AGBL4: variants seen among roughly 807,000 people sequenced by gnomAD.
The protein encoded by AGBL4 is AGBL carboxypeptidase 4.
AGBL4 carries 58 observed loss-of-function variants against 66.4 expected under a neutral mutation model. The observed-to-expected ratio is 0.87, with a 90% CI of 0.71 to 1.09. AGBL4 has a LOEUF of 1.09. Among genes scored for constraint, AGBL4 ranks in the 50% least tolerant of loss-of-function variants. The pLI is 0.00. For synonymous variants in AGBL4, 234 were observed against 222.9 expected, an observed-to-expected ratio of 1.05 and a Z score of -0.44; for missense variants, 579 against 631.0, an observed-to-expected ratio of 0.92 and a Z score of 0.88.
At chr1:49,138,013 G>A (rs1646046151) in intron 4 of AGBL4, among the ~76,000 whole-genome samples, 1 of 152,000 alleles carries the variant, frequency 6.6e-6, no homozygotes, top group Admixed American at 6.6e-5. Context: ...CAGGGATTCT[G>A]GGCAAAATGA....
intron 12 of AGBL4, 147 bp from the exon 13 acceptor site, chr1:48,535,063 A>T (rs553969706): frequency 5.1e-6 from 4 of 783,864 alleles, no homozygotes; most frequent in East Asian, 2.7e-5. Context: ...TATGGGGAAA[A>T]AGAAGAGGGA....
At chr1:49,356,996 A>T (rs1205433045) in intron 3 of AGBL4, among the ~76,000 whole-genome samples, 1 of 152,158 alleles carries the variant, frequency 6.6e-6, no homozygotes, top group East Asian at 1.9e-4. Context: ...CTCCAACAAG[A>T]AATGTTGTAG....
Position 49,367,723 on chromosome 1 carries a change from T to C in AGBL4, c.283-121859A>G, listed in dbSNP as rs1644266656. Reference sequence around the variant, plus strand: ...TTACGACGGAGGAAGAAAAAAATGTTTTTCTTAATTAATCACTTTTTATGT... The same window carrying C: ...TTACGACGGAGGAAGAAAAAAATGTCTTTCTTAATTAATCACTTTTTATGT... On this transcript the variant is annotated intron_variant, in intron 3 of 13. Transcript: ENST00000371839. 2.0e-5 allele frequency among the ~76,000 whole-genome samples: 3 copies of C among 152,138 alleles called. No homozygotes were observed. In the South Asian group the frequency reaches 6.2e-4, roughly 32 times the overall value.
At chr1:50,020,970 T>C (rs1662401224) in intron 1 of AGBL4, among the ~76,000 whole-genome samples, 1 of 152,186 alleles carries the variant, frequency 6.6e-6, no homozygotes, top group African/African-American at 2.4e-5. Flanking sequence ...GATTTAGTGG[T>C]AAAAGACAAT....
At chr1:49,422,076 TAATC>T (rs1338743652) in intron 3 of AGBL4, among the ~76,000 whole-genome samples, 5 of 152,346 alleles carry the variant, frequency 3.3e-5, no homozygotes, top group Non-Finnish European at 2.9e-5. Context: ...ACTTTGGTCT[TAATC>T]AATTCATAGA....
chr1:49,555,858 T>C (rs1653399939), intron 3 of AGBL4, among the ~76,000 whole-genome samples: 2 of 152,000 alleles, frequency 1.3e-5, no homozygotes. Flanking sequence ...AGAATGGACA[T>C]CATTAAAAAG....
chr1:49,704,063 C>G (rs1033157474), intron 2 of AGBL4, among the ~76,000 whole-genome samples: 1 of 151,962 alleles, frequency 6.6e-6, no homozygotes, highest in African/African-American at 2.4e-5. Flanking sequence ...AAAATATTAT[C>G]GAGAGAATTT....
intron 1 of AGBL4, among the ~76,000 whole-genome samples, chr1:49,997,961 G>A (rs1287806786): frequency 1.3e-5 from 2 of 151,858 alleles, no homozygotes; most frequent in Non-Finnish European, 2.9e-5. Context: ...AATGATCATT[G>A]GGTCAACAAT....
At position 50,023,773 on chromosome 1, in the gene AGBL4, C is replaced by A; in HGVS notation, c.24G>T (p.Ala8=). 1 of 1,549,450 alleles carries A rather than the reference C, an allele frequency of 6.5e-7. No homozygotes were observed. The highest frequency in any genetic ancestry group is 8.7e-7 in the Non-Finnish European group (1 of 1,146,064). Residue 8 remains alanine, a synonymous_variant, in exon 1 of 14, where the codon GCG becomes GCT. Coordinates refer to ENST00000371839, the MANE Select transcript of AGBL4 (RefSeq NM_032785.4). MAEGSQS[A]PEAGNDMGND... ...GCCGCCCCCACAGACCTGCCTCAGG[C>A]GCCGACTGGCTCCCCTCCGCCATTT...
intron 3 of AGBL4, among the ~76,000 whole-genome samples, chr1:49,362,317 T>G (rs1644154565): frequency 6.6e-6 from 1 of 152,048 alleles, no homozygotes; most frequent in Admixed American, 6.6e-5. Flanking sequence ...GCCTCTCAAA[T>G]TTATAATGCA....
At chr1:49,467,659 C>T (rs1646659167) in intron 3 of AGBL4, among the ~76,000 whole-genome samples, 1 of 151,860 alleles carries the variant, frequency 6.6e-6, no homozygotes, top group Non-Finnish European at 1.5e-5. Flanking sequence ...TTTGCATGAC[C>T]TTAAGCCATA....
chr1:49,815,518 T>C (rs772087463), intron 2 of AGBL4, among the ~76,000 whole-genome samples: 1 of 152,166 alleles, frequency 6.6e-6, no homozygotes, highest in Non-Finnish European at 1.5e-5. Flanking sequence ...ATTTCCTCTC[T>C]TTGGGGTATA....
intron 5 of AGBL4, among the ~76,000 whole-genome samples, chr1:48,904,571 G>A (rs1285409634): frequency 6.6e-6 from 1 of 152,142 alleles, no homozygotes; most frequent in Non-Finnish European, 1.5e-5. Flanking sequence ...TCAAATACGA[G>A]CTCAACAAAT....
chr1:48,546,373 A>G (rs1644159621), intron 11 of AGBL4, among the ~76,000 whole-genome samples: 1 of 152,166 alleles, frequency 6.6e-6, no homozygotes, highest in African/African-American at 2.4e-5. Context: ...GTGGAAGGAG[A>G]TTGAATTCCA....
At chr1:49,185,511 C>T (rs1569981916) in intron 4 of AGBL4, among the ~76,000 whole-genome samples, 2 of 152,182 alleles carry the variant, frequency 1.3e-5, no homozygotes, top group South Asian at 4.1e-4. Flanking sequence ...TGTGATGTTA[C>T]TTTAGAAATG....
At chr1:49,793,489 C>T (rs1303077094) in intron 2 of AGBL4, among the ~76,000 whole-genome samples, 1 of 151,944 alleles carries the variant, frequency 6.6e-6, no homozygotes, top group Non-Finnish European at 1.5e-5. Context: ...CAGACTGCTG[C>T]TCTGAAGGTA....
At chr1:49,638,848 A>C (rs1053710797) in intron 3 of AGBL4, among the ~76,000 whole-genome samples, 1 of 152,162 alleles carries the variant, frequency 6.6e-6, no homozygotes, top group African/African-American at 2.4e-5. Context: ...GACCAATACA[A>C]GTACTCGCCA....
intron 1 of AGBL4, among the ~76,000 whole-genome samples, chr1:49,883,699 T>C (rs1647687713): frequency 6.6e-6 from 1 of 152,060 alleles, no homozygotes; most frequent in Non-Finnish European, 1.5e-5. Context: ...TCATGTTGTA[T>C]TCTAAGTCAT....
intron 1 of AGBL4, among the ~76,000 whole-genome samples, chr1:49,910,742 G>A (rs755375462): frequency 3.9e-5 from 6 of 152,112 alleles, no homozygotes; most frequent in Non-Finnish European, 4.4e-5. Flanking sequence ...TTGGGAGGCC[G>A]AGGCGGGCAG....
Sources: allele counts gnomAD v4.1 joint callset (sites outside exome capture counted in the v4.1 genomes callset), GRCh38; gene constraint gnomAD v4.1.1; transcripts MANE v1.5; gene names NCBI Gene and HGNC (gene_info 2026-07-23, HGNC 2026-07-21).